MIGA1: variants seen among roughly 807,000 people sequenced by gnomAD.
MIGA1 encodes mitoguardin 1, also known as family with sequence similarity 73, member A.
A neutral mutation model predicts 82.0 loss-of-function variants in MIGA1; 58 were observed. The ratio of observed to expected loss-of-function variants is 0.71; its 90% CI spans 0.57 to 0.88. The LOEUF (loss-of-function observed/expected upper bound fraction) is 0.88. Ranked by LOEUF, MIGA1 falls within the 40% of genes least tolerant of loss-of-function variation. The pLI, the probability that MIGA1 is intolerant of heterozygous loss-of-function variation, is 0.00. For missense variants in MIGA1, 751 were observed against 749.1 expected (o/e 1.00, Z -0.03); for synonymous variants, 249 against 253.6 (o/e 0.98, Z 0.17).
intron 2 of MIGA1, among the ~76,000 whole-genome samples, chr1:77,798,319 T>A (rs976775917): frequency 6.6e-6 from 1 of 152,212 alleles, no homozygotes; most frequent in Non-Finnish European, 1.5e-5. Flanking sequence ...GATTAGTCAG[T>A]TCTCACTCTG....
rs554714723 is a variant in MIGA1 at position 77,820,920 on chromosome 1, G to A, written c.895+5689G>A. 1.1e-3 allele frequency among the ~76,000 whole-genome samples: 161 copies of A among 152,050 alleles called. 1 individual carries two copies. The highest frequency in any genetic ancestry group is 1.7e-3 in the Non-Finnish European group (118 of 67,964). Reference sequence around the variant, plus strand: ...AGGCTGAGGCAGGTGGCTCACCTGAGGTCAGGAGTTCAAGACCAGCCTGGC... The same window carrying A: ...AGGCTGAGGCAGGTGGCTCACCTGAAGTCAGGAGTTCAAGACCAGCCTGGC... On this transcript the variant is annotated intron_variant, in intron 7 of 15. Coordinates refer to ENST00000370791, the MANE Select transcript of MIGA1 (RefSeq NM_198549.4).
intron 5 of MIGA1, among the ~76,000 whole-genome samples, chr1:77,813,343 TTTC>T (rs1295197259): frequency 6.6e-6 from 1 of 152,196 alleles, no homozygotes; most frequent in Non-Finnish European, 1.5e-5. Flanking sequence ...TGTAAACTGG[TTTC>T]TTCTATCTTC....
At chr1:77,795,977 C>G (rs188165624) in intron 2 of MIGA1, among the ~76,000 whole-genome samples, 1 of 151,910 alleles carries the variant, frequency 6.6e-6, no homozygotes, top group Admixed American at 6.6e-5. Context: ...TCATTTGTGA[C>G]GTGTTTATTC....
chr1:77,800,376 A>G (rs1297671875), intron 2 of MIGA1, among the ~76,000 whole-genome samples: 1 of 152,122 alleles, frequency 6.6e-6, no homozygotes, highest in Non-Finnish European at 1.5e-5. Flanking sequence ...AGCCAATGCT[A>G]ATGTCTTACC....
chr1:77,848,732 G>A (rs751265170), intron 8 of MIGA1: 11 of 1,500,832 alleles, frequency 7.3e-6, no homozygotes, highest in Non-Finnish European at 9.2e-6. Flanking sequence ...ATGTCAGCTA[G>A]AGACAGGTAC....
intron 5 of MIGA1, among the ~76,000 whole-genome samples, chr1:77,810,571 G>A (rs1683285529): frequency 6.7e-6 from 1 of 148,322 alleles, no homozygotes; most frequent in South Asian, 2.1e-4. Flanking sequence ...CCAGGAAGCA[G>A]GGTAGGAGTA....
intron 3 of MIGA1, among the ~76,000 whole-genome samples, chr1:77,802,219 A>G (rs1682914178): frequency 6.6e-6 from 1 of 152,162 alleles, no homozygotes; most frequent in South Asian, 2.1e-4. Flanking sequence ...ATGAGTGACT[A>G]TTTCGTACTG....
chr1:77,853,830 C>A, intron 8 of MIGA1: 1 of 239,878 alleles, frequency 4.2e-6, no homozygotes, highest in Admixed American at 4.0e-5. Flanking sequence ...GAGATTCAAC[C>A]AGTTAGCATG....
intron 5 of MIGA1, among the ~76,000 whole-genome samples, chr1:77,808,131 T>TCTC (rs1491352207): frequency 2.5e-5 from 3 of 122,438 alleles, no homozygotes; most frequent in African/African-American, 8.8e-5. Context: ...CCTTTCTCTC[T>TCTC]TTTTTTTTTT....
At chr1:77,795,778 C>T (rs753125378) in intron 2 of MIGA1, among the ~76,000 whole-genome samples, 22 of 151,276 alleles carry the variant, frequency 1.5e-4, no homozygotes, top group African/African-American at 4.8e-4. Context: ...TATAGGTGTG[C>T]GCCACCATGC....
chr1:77,862,711 C>T (rs1221819140), intron 12 of MIGA1, among the ~76,000 whole-genome samples: 4 of 151,560 alleles, frequency 2.6e-5, no homozygotes, highest in African/African-American at 4.9e-5. Flanking sequence ...GAGGCCGAGG[C>T]GGGCAGATCA....
intron 8 of MIGA1, among the ~76,000 whole-genome samples, chr1:77,854,905 G>T (rs1685188902): frequency 1.3e-5 from 2 of 152,068 alleles, no homozygotes; most frequent in South Asian, 4.1e-4. Context: ...GTTTAATTAG[G>T]TCCTAGCTAT....
intron 8 of MIGA1, chr1:77,847,578 T>C: frequency 6.6e-7 from 1 of 1,520,348 alleles, no homozygotes. Flanking sequence ...GACATCTGCA[T>C]ATAAGAAAAA....
chr1:77,869,894 G>T (rs1685864376), intron 14 of MIGA1, among the ~76,000 whole-genome samples: 1 of 127,346 alleles, frequency 7.9e-6, no homozygotes, highest in African/African-American at 3.1e-5. Flanking sequence ...CCCGGACGGG[G>T]CGGCTGGCCG....
intron 2 of MIGA1, among the ~76,000 whole-genome samples, chr1:77,786,283 G>C (rs938429015): frequency 6.6e-6 from 1 of 152,208 alleles, no homozygotes; most frequent in South Asian, 2.1e-4. Context: ...TTCCTCCTAG[G>C]CCTCCTGGCT....
At chr1:77,868,175 ATATAT>A (rs1259177428) in intron 14 of MIGA1, 1 of 152,206 alleles carries the variant, frequency 6.6e-6, no homozygotes, top group African/African-American at 2.4e-5. Context: ...AATAATAATG[ATATAT>A]TATTAACATG....
At chr1:77,835,233 A>T (rs1684383022) in intron 7 of MIGA1, among the ~76,000 whole-genome samples, 1 of 152,200 alleles carries the variant, frequency 6.6e-6, no homozygotes, top group Non-Finnish European at 1.5e-5. Context: ...TATGTGAATT[A>T]TGAGATTGTG....
At chr1:77,787,466 C>A (rs963821395) in intron 2 of MIGA1, among the ~76,000 whole-genome samples, 1 of 151,696 alleles carries the variant, frequency 6.6e-6, no homozygotes, top group South Asian at 2.1e-4. Flanking sequence ...CTGCTCACTG[C>A]AGCCTCGGCC....
intron 5 of MIGA1, among the ~76,000 whole-genome samples, chr1:77,807,511 AT>A (rs1683146899): frequency 6.6e-6 from 1 of 152,124 alleles, no homozygotes; most frequent in South Asian, 2.1e-4. Context: ...AGCAACTATA[AT>A]TTTAAATGTT....
Sources: allele counts gnomAD v4.1 joint callset (sites outside exome capture counted in the v4.1 genomes callset), GRCh38; gene constraint gnomAD v4.1.1; transcripts MANE v1.5; gene names NCBI Gene and HGNC (gene_info 2026-07-23, HGNC 2026-07-21).